Variants in SLMAP observed in about 807,000 individuals in gnomAD.
The protein encoded by SLMAP is sarcolemma associated protein.
Under a neutral mutation model 128.8 loss-of-function variants are expected in SLMAP, and 44 were observed. That is an observed-to-expected ratio of 0.34 (90% CI 0.27 to 0.44). The LOEUF (loss-of-function observed/expected upper bound fraction) is 0.44. Among genes scored for constraint, SLMAP ranks in the 20% least tolerant of loss-of-function variants. The pLI is 1.00. For synonymous variants in SLMAP, 327 were observed against 348.8 expected (o/e 0.94, Z 0.70); for missense variants, 787 against 985.3 (o/e 0.80, Z 2.69).
chr3:57,803,791 G>A (rs1026120704), intron 2 of SLMAP, among the ~76,000 whole-genome samples: 1 of 152,102 alleles, frequency 6.6e-6, no homozygotes, highest in African/African-American at 2.4e-5. Context: ...TTTCTAGCTC[G>A]CCTAAATCCT....
chr3:57,882,757 A>G (rs984166908), intron 14 of SLMAP, among the ~76,000 whole-genome samples: 9 of 152,240 alleles, frequency 5.9e-5, no homozygotes, highest in African/African-American at 2.2e-4. Flanking sequence ...CATGATAGGA[A>G]CTTCAGATTT....
chr3:57,906,595 G>T (rs1353289834), intron 17 of SLMAP, among the ~76,000 whole-genome samples: 2 of 147,030 alleles, frequency 1.4e-5, no homozygotes, highest in Non-Finnish European at 3.0e-5. Context: ...AGGATTACAG[G>T]CATGAACCAC....
intron 2 of SLMAP, among the ~76,000 whole-genome samples, chr3:57,813,293 A>T (rs1382628807): frequency 6.6e-6 from 1 of 151,970 alleles, no homozygotes; most frequent in East Asian, 1.9e-4. Flanking sequence ...ATGGGGTTTC[A>T]CCATGTTGGC....
intron 10 of SLMAP, among the ~76,000 whole-genome samples, chr3:57,864,339 G>A (rs971928742): frequency 6.6e-6 from 1 of 151,848 alleles, no homozygotes; most frequent in Non-Finnish European, 1.5e-5. Flanking sequence ...CCCGGGAGGC[G>A]GAGGTTGCCT....
chr3:57,809,896 T>C (rs1244654484), intron 2 of SLMAP, among the ~76,000 whole-genome samples: 1 of 152,188 alleles, frequency 6.6e-6, no homozygotes, highest in Non-Finnish European at 1.5e-5. Context: ...TACCCTTTTC[T>C]TCCTGGACAC....
intron 14 of SLMAP, among the ~76,000 whole-genome samples, chr3:57,887,993 A>G (rs1488300528): frequency 6.6e-6 from 1 of 152,230 alleles, no homozygotes; most frequent in East Asian, 1.9e-4. Flanking sequence ...AGCATCAATC[A>G]CATGTGAAGG....
rs1353867565 is a variant in SLMAP at position 57,756,778 on chromosome 3, A to C, written c.-874A>C. The stretch of plus-strand genomic sequence containing the variant: ...CGGCCCATGTGCTGAGCGGCGGCCC[A>C]GAAGCCTAGGCGTCCGGGGACCAAC... On this transcript the variant is annotated 5_prime_UTR_variant, in exon 2 of 25. Transcript: ENST00000671191. The C allele has an allele frequency of 1.3e-5, 2 of 152,234 alleles. No individual in the cohort carries two copies. Among genetic ancestry groups the C allele is most frequent in the Admixed American group, 1.3e-4 (2 of 15,292 alleles). 9.4% of individuals were successfully genotyped at this position (152,234 alleles called of 1,614,324 possible).
intron 15 of SLMAP, among the ~76,000 whole-genome samples, chr3:57,895,811 G>T (rs1378385345): frequency 6.6e-6 from 1 of 151,878 alleles, no homozygotes; most frequent in African/African-American, 2.4e-5. Flanking sequence ...GGGTATAGTG[G>T]CATGGTCCTG....
At chr3:57,860,336 A>G (rs1218424039) in intron 8 of SLMAP, among the ~76,000 whole-genome samples, 2 of 152,126 alleles carry the variant, frequency 1.3e-5, no homozygotes, top group African/African-American at 2.4e-5. Context: ...TGTTTTAACC[A>G]TTGTTTCAGA....
At chr3:57,855,719 AAAAAAAC>A (rs1270070030) in intron 6 of SLMAP, among the ~76,000 whole-genome samples, 6 of 148,992 alleles carry the variant, frequency 4.0e-5, no homozygotes, top group Admixed American at 2.7e-4. Flanking sequence ...GTTAAAAAAA[AAAAAAAC>A]AAAAAAAAAA....
At chr3:57,797,343 G>T (rs2086993647) in intron 2 of SLMAP, among the ~76,000 whole-genome samples, 1 of 151,924 alleles carries the variant, frequency 6.6e-6, no homozygotes, top group South Asian at 2.1e-4. Flanking sequence ...AATTAGCCAG[G>T]CGTGGTGGTG....
At chr3:57,915,073 AG>A (rs935314795) in intron 21 of SLMAP, among the ~76,000 whole-genome samples, 2 of 151,478 alleles carry the variant, frequency 1.3e-5, no homozygotes, top group African/African-American at 2.4e-5. Context: ...TCTAGTAGAG[AG>A]GGGGTTTCAC....
chr3:57,782,188 A>G (rs1185166677), intron 2 of SLMAP, among the ~76,000 whole-genome samples: 1 of 152,204 alleles, frequency 6.6e-6, no homozygotes, highest in African/African-American at 2.4e-5. Context: ...ATACTATATC[A>G]TTATAAGGGC....
Position 57,834,393 on chromosome 3 carries a change from A to T in SLMAP, c.346+2863A>T, listed in dbSNP as rs75999985. On this transcript the variant is annotated intron_variant, in intron 3 of 24. Transcript: ENST00000671191. ...AAAAATACTAGCGAAAATATACAAG[A>T]TGAGAAATGAGAAAGGAGAAATAAA... Among the ~76,000 whole-genome samples, 373 of 152,254 alleles carry T rather than the reference A, an allele frequency of 2.4e-3. 5 individuals carry two copies. The highest frequency in any genetic ancestry group is 8.4e-3 in the African/African-American group (348 of 41,570).
intron 3 of SLMAP, among the ~76,000 whole-genome samples, chr3:57,838,453 A>T (rs1489970469): frequency 3.3e-5 from 5 of 152,230 alleles, no homozygotes; most frequent in Non-Finnish European, 7.3e-5. Context: ...ATGTTCCTCA[A>T]CATCTTCAGT....
chr3:57,842,086 C>T (rs1247471612), intron 4 of SLMAP, among the ~76,000 whole-genome samples: 1 of 152,000 alleles, frequency 6.6e-6, no homozygotes, highest in East Asian at 1.9e-4. Context: ...TAATATTTTC[C>T]TGTCTTTCAA....
rs573504456 is a variant in SLMAP at position 57,928,741 on chromosome 3, T to G, written c.*1452T>G. Reference sequence around the variant, plus strand: ...GGCAATCCACAGGTCTAGCCAAATATTGAAATAGGAGTTTAGGGTATAATT... The same window carrying G: ...GGCAATCCACAGGTCTAGCCAAATAGTGAAATAGGAGTTTAGGGTATAATT... On this transcript the variant is annotated 3_prime_UTR_variant, in exon 25 of 25. Coordinates refer to ENST00000671191, the MANE Select transcript of SLMAP (RefSeq NM_001377540.1). 1.3e-5 allele frequency: 2 copies of G among 152,198 alleles called. No individual in the cohort carries two copies. Among genetic ancestry groups the G allele is most frequent in the African/African-American group, 4.8e-5 (2 of 41,462 alleles). The allele number at this position is 152,198 out of a possible 1,614,324, so 9.4% of individuals were successfully genotyped here.
intron 2 of SLMAP, among the ~76,000 whole-genome samples, chr3:57,786,979 G>T (rs920877083): frequency 1.2e-4 from 19 of 152,018 alleles, no homozygotes; most frequent in Middle Eastern, 6.8e-3. Flanking sequence ...CTTGTGATCC[G>T]CCCGCCTCGG....
intron 2 of SLMAP, among the ~76,000 whole-genome samples, chr3:57,806,545 A>G (rs1342312679): frequency 6.6e-6 from 1 of 151,886 alleles, no homozygotes; most frequent in Non-Finnish European, 1.5e-5. Context: ...TCAAGCAATT[A>G]TCCTGCTTCA....
Sources: gnomAD v4.1 joint callset for allele counts (sites outside exome capture counted in the v4.1 genomes callset) on GRCh38, gnomAD v4.1.1 for gene constraint, MANE v1.5 for transcripts, NCBI Gene and HGNC (gene_info 2026-07-23, HGNC 2026-07-21) for gene names.